Variants in KIAA1755 observed in about 807,000 individuals in gnomAD.
The protein encoded by KIAA1755 is uncharacterized protein KIAA1755.
A neutral mutation model predicts 91.7 loss-of-function variants in KIAA1755; 68 were observed. The observed-to-expected ratio is 0.74, with a 90% CI of 0.61 to 0.91. The LOEUF (loss-of-function observed/expected upper bound fraction) is 0.91. Ranked by LOEUF, KIAA1755 falls within the 40% of genes least tolerant of loss-of-function variation. KIAA1755 has a pLI of 0.00. For missense variants in KIAA1755, 1,535 were observed against 1,494.4 expected (o/e 1.03, Z -0.45); for synonymous variants, 610 against 604.6 (o/e 1.01, Z -0.13).
chr20:38,228,150 G>A lies in KIAA1755; in HGVS notation c.1962C>T (p.Thr654=). 6.3e-7 allele frequency: 1 copy of A among 1,598,030 alleles called. No homozygotes were observed. The highest frequency in any genetic ancestry group is 8.5e-7 in the Non-Finnish European group (1 of 1,172,858). Residue 654 remains threonine (T), a synonymous_variant, in exon 6 of 14, where the codon ACC becomes ACT. Transcript: ENST00000279024. ...QPGLVSALQA[T]QAQVPASIRA... is the part of the protein sequence containing the mutation. ...AGGCTCTCCACCTCCCACTCACCTG[G>A]GTGGCCTGCAGGGCGCTGACCAGAC... is the stretch of plus-strand genomic sequence containing the variant.
Position 38,217,266 on chromosome 20 carries a change from C to T in KIAA1755, c.2888G>A (p.Arg963His), listed in dbSNP as rs752661799. The T allele has an allele frequency of 1.7e-5, 27 of 1,600,610 alleles. No individual in the cohort carries two copies. Among genetic ancestry groups the T allele is most frequent in the Middle Eastern group, 1.7e-4 (1 of 6,036 alleles). ...TDLETLLHLH[R>H]FCKRMTWFHM... is the part of the protein sequence containing the mutation. Reference sequence around the variant, plus strand: ...CGCGGGGCTCACCCTCTTGCAGAAGCGGTGCAGGTGGAGCAGCGTCTCGAG... The same window carrying T: ...CGCGGGGCTCACCCTCTTGCAGAAGTGGTGCAGGTGGAGCAGCGTCTCGAG... Residue 963 changes from arginine to histidine, a missense_variant, in exon 13 of 14, where the codon CGC (arginine) becomes CAC (histidine). Arg to His is a conservative substitution (Grantham distance 29, BLOSUM62 0). Coordinates refer to ENST00000279024, the MANE Select transcript of KIAA1755 (RefSeq NM_001029864.2).
intron 1 of KIAA1755, 152 bp downstream of exon 1, chr20:38,260,346 G>A (rs755244493): frequency 8.3e-6 from 13 of 1,572,714 alleles, no homozygotes; most frequent in Non-Finnish European, 1.1e-5. Context: ...CCCCTGCTGG[G>A]GTGGAAGCAG....
chr20:38,231,611 A>G (rs2075865429), intron 4 of KIAA1755, among the ~76,000 whole-genome samples: 1 of 152,188 alleles, frequency 6.6e-6, no homozygotes, highest in Non-Finnish European at 1.5e-5. Context: ...TCACACAGAA[A>G]GGGGTCAAGT....
intron 5 of KIAA1755, among the ~76,000 whole-genome samples, chr20:38,230,908 A>C (rs1157167222): frequency 6.6e-6 from 1 of 152,034 alleles, no homozygotes; most frequent in African/African-American, 2.4e-5. Flanking sequence ...AAAAAAATGA[A>C]AACCACTGAT....
intron 4 of KIAA1755, chr20:38,233,550 C>T (rs901098163): frequency 1.3e-5 from 2 of 152,124 alleles, no homozygotes; most frequent in African/African-American, 4.8e-5. Context: ...AGCAGCTTCC[C>T]AGTCCCCCAT....
intron 1 of KIAA1755, among the ~76,000 whole-genome samples, chr20:38,253,329 C>T (rs1041735860): frequency 6.6e-6 from 1 of 152,182 alleles, no homozygotes; most frequent in Non-Finnish European, 1.5e-5. Context: ...TAGGGGCGTG[C>T]GTATACTTCC....
In KIAA1755 at chr20:38,217,462, G is replaced by A. The variant is rs369255864; in HGVS notation, c.2692C>T (p.Arg898Ter). ...FFLQAAAQYR[R>*]GLELSKQAAQ... ...GCCTGCTTGGACAGCTCCAGGCCTC[G>A]GCGGTACTGGGCCTGAGAGGGGAGA... is the stretch of plus-strand genomic sequence containing the variant. The change falls in exon 13 of 14, where the codon CGA (arginine) becomes TGA (stop). Residue 898 changes from arginine to a stop codon, truncating the protein, a stop_gained. Transcript: ENST00000279024. LOFTEE classifies it high-confidence loss of function. 1.5e-4 allele frequency: 234 copies of A among 1,606,054 alleles called. No homozygotes were observed. The East Asian group carries it at 2.5e-3, about 17-fold the overall frequency.
intron 7 of KIAA1755, among the ~76,000 whole-genome samples, 163 bp downstream of exon 7, chr20:38,226,991 C>T (rs1476131819): frequency 6.6e-6 from 1 of 152,204 alleles, no homozygotes; most frequent in African/African-American, 2.4e-5. Context: ...CGGATCTATA[C>T]TGGGGATTGG....
chr20:38,250,983 C>T (rs534021061), intron 1 of KIAA1755, among the ~76,000 whole-genome samples: 4 of 151,942 alleles, frequency 2.6e-5, no homozygotes, highest in Middle Eastern at 3.4e-3. Context: ...TGGCATAAAT[C>T]GAATGTAACT....
chr20:38,240,275 A>G (rs565281386), intron 3 of KIAA1755, among the ~76,000 whole-genome samples: 2 of 152,324 alleles, frequency 1.3e-5, no homozygotes, highest in South Asian at 4.1e-4. Flanking sequence ...ACTGTGAAAT[A>G]GGTGACATTC....
Position 38,246,089 on chromosome 20 carries a change from A to G in KIAA1755, c.41T>C (p.Leu14Pro), listed in dbSNP as rs2076155113. Reference protein sequence around the residue: ...PSLDTAIQHALAGLYPPFEAT... With the variant: ...PSLDTAIQHAPAGLYPPFEAT... The stretch of plus-strand genomic sequence containing the variant: ...CTCGAAAGGAGGATAGAGGCCCGCC[A>G]GGGCATGCTGGATGGCTGTGTCGAG... Residue 14 changes from leucine (L) to proline (P), a missense_variant, in exon 2 of 14, where the codon CTG (leucine) becomes CCG (proline). Transcript: ENST00000279024. 1.2e-6 allele frequency: 2 copies of G among 1,613,820 alleles called. No homozygotes were observed. The highest frequency in any genetic ancestry group is 1.3e-5 in the African/African-American group (1 of 74,902).
chr20:38,227,974 A>G (rs2075790750), intron 6 of KIAA1755, among the ~76,000 whole-genome samples, 173 bp downstream of exon 6: 1 of 152,230 alleles, frequency 6.6e-6, no homozygotes, highest in East Asian at 1.9e-4. Context: ...GTCCATTGAC[A>G]TGAACCAATG....
chr20:38,228,493 A>C (rs2075800538), intron 5 of KIAA1755, among the ~76,000 whole-genome samples: 1 of 151,934 alleles, frequency 6.6e-6, no homozygotes, highest in African/African-American at 2.4e-5. Flanking sequence ...ACTATTCCTA[A>C]CTCTAGCAAC....
intron 4 of KIAA1755, 38 bp from the exon 5 acceptor site, chr20:38,231,363 G>C (rs1468048466): frequency 6.4e-7 from 1 of 1,572,346 alleles, no homozygotes; most frequent in Non-Finnish European, 8.6e-7. Context: ...GTGAGAACTT[G>C]TGGGGGGCCC....
intron 1 of KIAA1755, among the ~76,000 whole-genome samples, chr20:38,256,638 T>C (rs887008985): frequency 2.0e-5 from 3 of 151,978 alleles, no homozygotes; most frequent in Admixed American, 2.0e-4. Flanking sequence ...GCCCTATCTC[T>C]ACAAAAAATA....
intron 1 of KIAA1755, among the ~76,000 whole-genome samples, chr20:38,257,466 A>G (rs2123359107): frequency 6.6e-6 from 1 of 152,122 alleles, no homozygotes; most frequent in Non-Finnish European, 1.5e-5. Context: ...CTATAGTCCC[A>G]GCTACGCAGG....
At chr20:38,253,688 C>T (rs944710142) in intron 1 of KIAA1755, among the ~76,000 whole-genome samples, 1 of 152,156 alleles carries the variant, frequency 6.6e-6, no homozygotes, top group Non-Finnish European at 1.5e-5. Flanking sequence ...GGGCAGGGGC[C>T]TCGTAAGGCA....
Position 38,212,915 on chromosome 20 carries a change from G to C in KIAA1755, c.*127C>G, listed in dbSNP as rs769940486. ...CGACAGTTCTCATCCTCCCAGCAGA[G>C]GCAGAATGTAAAACCAGTGCTCCAT... On this transcript the variant is annotated 3_prime_UTR_variant, in exon 14 of 14. Transcript: ENST00000279024. The C allele has an allele frequency of 8.4e-6, 6 of 714,308 alleles. No homozygotes were observed. The highest frequency in any genetic ancestry group is 2.7e-5 in the East Asian group (1 of 36,520). The allele number at this position is 714,308 out of a possible 1,614,324, so 44.2% of individuals were successfully genotyped here.
intron 10 of KIAA1755, 76 bp from the exon 11 acceptor site, chr20:38,219,844 T>C: frequency 6.4e-7 from 1 of 1,551,806 alleles, no homozygotes; most frequent in South Asian, 1.2e-5. Flanking sequence ...CGCATAGGCC[T>C]GCCCCTCCAT....
Sources: gnomAD v4.1 joint callset for allele counts (sites outside exome capture counted in the v4.1 genomes callset) on GRCh38, gnomAD v4.1.1 for gene constraint, MANE v1.5 for transcripts, NCBI Gene and HGNC (gene_info 2026-07-23, HGNC 2026-07-21) for gene names.